Variants in CDH8 observed in about 807,000 individuals in gnomAD.
CDH8 encodes the protein cadherin-8.
In CDH8, 17 loss-of-function variants were observed where a neutral mutation model predicts 68.1. The ratio of observed to expected loss-of-function variants is 0.25; its 90% CI spans 0.17 to 0.37. The LOEUF (loss-of-function observed/expected upper bound fraction) is 0.37. Among genes scored for constraint, CDH8 ranks in the 10% least tolerant of loss-of-function variants. CDH8 has a pLI of 1.00. For missense variants in CDH8, 763 were observed against 999.3 expected, an observed-to-expected ratio of 0.76 and a Z score of 3.19; for synonymous variants, 372 against 365.1, an observed-to-expected ratio of 1.02 and a Z score of -0.21.
intron 2 of CDH8, among the ~76,000 whole-genome samples, chr16:61,932,444 A>T (rs1373113357): frequency 6.6e-6 from 1 of 152,170 alleles, no homozygotes; most frequent in Non-Finnish European, 1.5e-5. Flanking sequence ...GAGCATATTT[A>T]TGCTCCGTGT....
At chr16:61,801,688 T>G (rs1325379090) in intron 7 of CDH8, among the ~76,000 whole-genome samples, 1 of 151,962 alleles carries the variant, frequency 6.6e-6, no homozygotes, top group African/African-American at 2.4e-5. Flanking sequence ...CCTTTCCGAG[T>G]CAAAGAAAGG....
intron 2 of CDH8, among the ~76,000 whole-genome samples, chr16:61,946,562 A>C (rs887560877): frequency 1.3e-5 from 2 of 152,192 alleles, no homozygotes; most frequent in Non-Finnish European, 2.9e-5. Context: ...TCAAGCTTTT[A>C]CTTTCTCCTT....
At chr16:61,685,114 A>C (rs189401660) in intron 10 of CDH8, among the ~76,000 whole-genome samples, 1 of 151,892 alleles carries the variant, frequency 6.6e-6, no homozygotes, top group East Asian at 2.0e-4. Context: ...TCTTTGGTCA[A>C]TACAATTAGA....
intron 8 of CDH8, among the ~76,000 whole-genome samples, chr16:61,742,715 T>C (rs2142927594): frequency 6.6e-6 from 1 of 152,312 alleles, no homozygotes; most frequent in East Asian, 1.9e-4. Flanking sequence ...TTTGTTTTGC[T>C]AATATGTTAC....
chr16:61,883,034 TTC>T (rs1319227676), intron 3 of CDH8, among the ~76,000 whole-genome samples: 1 of 152,192 alleles, frequency 6.6e-6, no homozygotes, highest in African/African-American at 2.4e-5. Flanking sequence ...TCATCATCAT[TTC>T]TGTTATGATG....
At chr16:61,873,914 G>T (rs888776480) in intron 3 of CDH8, among the ~76,000 whole-genome samples, 2 of 152,110 alleles carry the variant, frequency 1.3e-5, no homozygotes, top group African/African-American at 4.8e-5. Context: ...AAATTAGCCA[G>T]GGGTGGTGGT....
At chr16:61,848,008 C>A (rs1022155161) in intron 4 of CDH8, among the ~76,000 whole-genome samples, 3 of 151,862 alleles carry the variant, frequency 2.0e-5, no homozygotes, top group Non-Finnish European at 2.9e-5. Flanking sequence ...AACATGTTTT[C>A]CTATAAAATT....
In CDH8 at chr16:61,723,996, A is replaced by C. The variant is rs578194237; in HGVS notation, c.1536+3098T>G. Among the ~76,000 whole-genome samples, 123 of 150,752 alleles carry C rather than the reference A, an allele frequency of 8.2e-4. 1 individual carries two copies. Among genetic ancestry groups the C allele is most frequent in the African/African-American group, 2.8e-3 (115 of 41,376 alleles). On this transcript the variant is annotated intron_variant, in intron 9 of 11. Transcript: ENST00000577390. ...CTGAAACTATCAGATTTTTTTTTAA[A>C]ATATAGATAATTAGCAATGATAACA... is the stretch of plus-strand genomic sequence containing the variant.
intron 1 of CDH8, among the ~76,000 whole-genome samples, chr16:62,029,906 C>T (rs1441058245): frequency 1.3e-5 from 2 of 152,204 alleles, no homozygotes; most frequent in African/African-American, 4.8e-5. Context: ...TTAGATTTCT[C>T]TTCTCACTTA....
intron 10 of CDH8, chr16:61,667,385 T>A (rs542683165): frequency 6.6e-6 from 1 of 152,046 alleles, no homozygotes. Context: ...CCCAACAATT[T>A]ACAATTATAC....
chr16:61,841,130 T>C (rs1355796948), intron 4 of CDH8, among the ~76,000 whole-genome samples: 1 of 152,158 alleles, frequency 6.6e-6, no homozygotes. Context: ...TTAGATTGCT[T>C]CCAAATTTTA....
chr16:61,955,950 T>A (rs2143609576), intron 2 of CDH8, among the ~76,000 whole-genome samples: 1 of 152,334 alleles, frequency 6.6e-6, no homozygotes, highest in South Asian at 2.1e-4. Context: ...ATCCCACAAT[T>A]AAACAAACAG....
At chr16:61,713,284 T>C (rs1336602341) in intron 10 of CDH8, among the ~76,000 whole-genome samples, 1 of 151,636 alleles carries the variant, frequency 6.6e-6, no homozygotes, top group East Asian at 1.9e-4. Context: ...ATGTGCTCAG[T>C]GAGTGAAAGA....
At chr16:61,852,593 G>A (rs1962958611) in intron 4 of CDH8, among the ~76,000 whole-genome samples, 1 of 151,962 alleles carries the variant, frequency 6.6e-6, no homozygotes, top group Non-Finnish European at 1.5e-5. Context: ...AAGCATGAAT[G>A]CTGCTCCTAA....
intron 3 of CDH8, 152 bp from the exon 4 acceptor site, chr16:61,857,390 A>G (rs1963067285): frequency 3.1e-6 from 2 of 637,544 alleles, no homozygotes; most frequent in South Asian, 2.0e-5. Flanking sequence ...CTGCTCTCTC[A>G]TAACTTCAAC....
At chr16:61,930,307 C>CA (rs1964522588) in intron 2 of CDH8, among the ~76,000 whole-genome samples, 1 of 135,416 alleles carries the variant, frequency 7.4e-6, no homozygotes, top group Admixed American at 7.2e-5. Flanking sequence ...ACACACACAC[C>CA]CCTATGTATA....
At chr16:62,000,663 C>T (rs1567563155) in intron 2 of CDH8, among the ~76,000 whole-genome samples, 1 of 152,164 alleles carries the variant, frequency 6.6e-6, no homozygotes, top group East Asian at 1.9e-4. Flanking sequence ...AAAGGAGATG[C>T]TGAAGGCATA....
intron 2 of CDH8, among the ~76,000 whole-genome samples, chr16:62,015,141 C>T (rs1355203883): frequency 6.6e-6 from 1 of 152,120 alleles, no homozygotes; most frequent in Non-Finnish European, 1.5e-5. Flanking sequence ...CCACACCTGA[C>T]TTCATGTGAT....
At chr16:61,827,149 G>T (rs1962355630) in intron 4 of CDH8, among the ~76,000 whole-genome samples, 1 of 151,794 alleles carries the variant, frequency 6.6e-6, no homozygotes, top group South Asian at 2.1e-4. Context: ...TAGCTACTCT[G>T]CTATGAATAT....
Sources: allele counts gnomAD v4.1 joint callset (sites outside exome capture counted in the v4.1 genomes callset), GRCh38; gene constraint gnomAD v4.1.1; transcripts MANE v1.5; gene names NCBI Gene and HGNC (gene_info 2026-07-23, HGNC 2026-07-21).